COL5A1: variants seen among roughly 807,000 people sequenced by gnomAD.
COL5A1 encodes the protein collagen alpha-1(V) chain.
A neutral mutation model predicts 263.7 loss-of-function variants in COL5A1; 16 were observed. That is an observed-to-expected ratio of 0.06 (90% confidence interval 0.04 to 0.09). The LOEUF is 0.09. COL5A1 is among the 10% of genes least tolerant of loss of function. The pLI, the probability that COL5A1 is intolerant of heterozygous loss-of-function variation, is 1.00. For synonymous variants in COL5A1, 1,012 were observed against 1,004.5 expected, an observed-to-expected ratio of 1.01 and a Z score of -0.14; for missense variants, 2,036 against 2,540.5, an observed-to-expected ratio of 0.80 and a Z score of 4.27.
chr9:134,770,915 TC>T (rs1836845314), intron 25 of COL5A1, among the ~76,000 whole-genome samples: 2 of 152,294 alleles, frequency 1.3e-5, no homozygotes, highest in South Asian at 2.1e-4. Flanking sequence ...GCTTTGTGCT[TC>T]CCCCCACTGC....
intron 13 of COL5A1, among the ~76,000 whole-genome samples, chr9:134,752,269 A>G (rs1331145610): frequency 1.3e-5 from 2 of 150,462 alleles, no homozygotes; most frequent in African/African-American, 5.0e-5. Context: ...GCCAAGGGTG[A>G]TGGGCTGGGA....
intron 2 of COL5A1, among the ~76,000 whole-genome samples, chr9:134,695,794 G>A (rs752333132): frequency 1.8e-4 from 27 of 152,220 alleles, no homozygotes; most frequent in Non-Finnish European, 3.1e-4. Context: ...GACAAATGCA[G>A]TAAGTTTGGG....
rs1176210559 is a variant in COL5A1, at chr9:134,677,546, G to A, written c.110-13366G>A. On this transcript the variant is annotated intron_variant, in intron 1 of 65. Coordinates refer to ENST00000371817, the MANE Select transcript of COL5A1 (RefSeq NM_000093.5). This position sits in a 1 kb window ranked among gnomAD's most constrained non-coding sequence, Gnocchi z 4.4. ...GCCCCTGATGCTGAAATGATAGGAG[G>A]GTGAGGTTTATCAGCGGGATCTTCG... 6.6e-6 allele frequency among the ~76,000 whole-genome samples: 1 copy of A among 152,130 alleles called. No homozygotes were observed. The highest frequency in any genetic ancestry group is 1.9e-4 in the East Asian group (1 of 5,194).
intron 19 of COL5A1, among the ~76,000 whole-genome samples, chr9:134,762,929 G>A (rs535976114): frequency 1.3e-5 from 2 of 152,192 alleles, no homozygotes; most frequent in African/African-American, 4.8e-5. Context: ...GTATGTGCAG[G>A]GAGTGCACGT....
intron 2 of COL5A1, among the ~76,000 whole-genome samples, chr9:134,699,356 C>G (rs1173569606): frequency 6.6e-6 from 1 of 152,144 alleles, no homozygotes; most frequent in Non-Finnish European, 1.5e-5. Context: ...TCCACTTTTT[C>G]TCTGTTTTGC....
chr9:134,830,489 AC>A, intron 64 of COL5A1: 1 of 488,170 alleles, frequency 2.0e-6, no homozygotes, highest in Non-Finnish European at 3.7e-6. Context: ...GCACCTGAGC[AC>A]TGAGGTCAGA....
At position 134,818,577 on chromosome 9, in the gene COL5A1, G is replaced by T; in HGVS notation, c.4231-79G>T. On this transcript the variant is annotated intron_variant, in intron 54 of 65. Transcript: ENST00000371817. The surrounding 1 kb of genome is among the most constrained non-coding windows in gnomAD (Gnocchi z 6.0). ...TGGGACTCCTCCAGAGGTGCCCAGG[G>T]TTTCCGAGCAGTGGTCCTGGGCCAG... 9.3e-7 allele frequency: 1 copy of T among 1,074,444 alleles called. No homozygotes were observed. Among genetic ancestry groups the T allele is most frequent in the Non-Finnish European group, 1.4e-6 (1 of 713,222 alleles). The allele number at this position is 1,074,444 out of a possible 1,614,324, so 66.6% of individuals were successfully genotyped here.
chr9:134,669,023 T>C (rs1329195068), intron 1 of COL5A1, among the ~76,000 whole-genome samples: 2 of 120,896 alleles, frequency 1.7e-5, no homozygotes, highest in Admixed American at 9.0e-5. Flanking sequence ...ATCCATCCCA[T>C]TTATCCATTT....
chr9:134,646,321 G>C (rs1831473624), intron 1 of COL5A1, among the ~76,000 whole-genome samples: 1 of 151,896 alleles, frequency 6.6e-6, no homozygotes, highest in Admixed American at 6.6e-5. Context: ...GCACTGGGGA[G>C]AGCTGGGGAG....
chr9:134,769,706 G>C (rs1836805248), intron 25 of COL5A1, among the ~76,000 whole-genome samples: 1 of 152,120 alleles, frequency 6.6e-6, no homozygotes, highest in Non-Finnish European at 1.5e-5. Flanking sequence ...AGGGGACCTG[G>C]GTGTGAAGCA....
chr9:134,774,723 C>T lies in COL5A1; in HGVS notation c.2332-136C>T, dbSNP rs1381846022. The stretch of plus-strand genomic sequence containing the variant: ...CCTGTGCGAGTCTCCCACGGGGGGC[C>T]TCTCTGGAGGCTCTGAGCTGGGATG... On this transcript the variant is annotated intron_variant, in intron 26 of 65. Coordinates refer to ENST00000371817, the MANE Select transcript of COL5A1 (RefSeq NM_000093.5). The T allele has an allele frequency of 1.6e-5, 14 of 879,094 alleles. No individual in the cohort carries two copies. The African/African-American group carries it at 1.7e-4, about 10-fold the overall frequency. The allele number at this position is 879,094 out of a possible 1,614,324, so 54.5% of individuals were successfully genotyped here.
chr9:134,829,119 ATCATTCAT>A (rs55712373), intron 63 of COL5A1, among the ~76,000 whole-genome samples: 3 of 151,804 alleles, frequency 2.0e-5, no homozygotes, highest in East Asian at 3.9e-4. Flanking sequence ...CCCTTGGTCC[ATCATTCAT>A]TCATTCATTC....
rs1056914891 is a variant in COL5A1 at position 134,794,090 on chromosome 9, G to A, written c.2701-992G>A. On this transcript the variant is annotated intron_variant, in intron 32 of 65. Transcript: ENST00000371817. The surrounding 1 kb of genome is among the most constrained non-coding windows in gnomAD (Gnocchi z 4.3). The stretch of plus-strand genomic sequence containing the variant: ...CGCTTGTAATCCCAGCACTTTGGGA[G>A]GCTGAGGCGGGTGAATCACGAGGTC... 6.6e-6 allele frequency among the ~76,000 whole-genome samples: 1 copy of A among 152,210 alleles called. No homozygotes were observed. The highest frequency in any genetic ancestry group is 1.5e-5 in the Non-Finnish European group (1 of 68,048).
In COL5A1 at chr9:134,759,718, C is replaced by A. The variant is rs1208050083; in HGVS notation, c.1935+1422C>A. Reference sequence around the variant, plus strand: ...CATATGCACACATGCACACACCCCCCCACCCCCACACTCATACACACACAC... The same window carrying A: ...CATATGCACACATGCACACACCCCCACACCCCCACACTCATACACACACAC... On this transcript the variant is annotated intron_variant, in intron 18 of 65. Transcript: ENST00000371817. Among the ~76,000 whole-genome samples the A allele has an allele frequency of 1.8e-3, 141 of 78,996 alleles. 1 individual carries two copies. Among genetic ancestry groups the A allele is most frequent in the African/African-American group, 4.9e-3 (71 of 14,380 alleles). The allele number at this position is 78,996 out of a possible 152,430, so 51.8% of individuals were successfully genotyped here. A position where few individuals can be genotyped will look rare whatever the true frequency, so the allele number is the denominator to read the frequency against.
intron 64 of COL5A1, among the ~76,000 whole-genome samples, chr9:134,830,536 T>C (rs1230194046): frequency 6.6e-6 from 1 of 152,180 alleles, no homozygotes; most frequent in Admixed American, 6.5e-5. Context: ...CTGTGTCTGA[T>C]GGCAGGGCAG....
At chr9:134,809,522 C>T (rs564712301) in intron 43 of COL5A1, among the ~76,000 whole-genome samples, 20 of 152,302 alleles carry the variant, frequency 1.3e-4, no homozygotes, top group African/African-American at 4.6e-4. Context: ...ACCACACCCT[C>T]CTGTGTCATT....
chr9:134,710,469 G>A (rs1396547544), intron 4 of COL5A1, among the ~76,000 whole-genome samples: 2 of 151,658 alleles, frequency 1.3e-5, no homozygotes, highest in Non-Finnish European at 2.9e-5. Context: ...TGGTGGGGGA[G>A]GGGCCCCGTT....
chr9:134,819,767 G>A lies in COL5A1; in HGVS notation c.4447-349G>A, dbSNP rs149799871. Among the ~76,000 whole-genome samples the A allele has an allele frequency of 5.3e-3, 812 of 152,320 alleles. 3 individuals are homozygous for A. Among genetic ancestry groups the A allele is most frequent in the Middle Eastern group, 0.02 (6 of 294 alleles). ...AGTCCACAAACTTTGTTTTAGTTCCGTATAGGAGCAGGCGTTCGGATTTGC... is the reference window on the plus strand; with the variant it reads ...AGTCCACAAACTTTGTTTTAGTTCCATATAGGAGCAGGCGTTCGGATTTGC... On this transcript the variant is annotated intron_variant, in intron 57 of 65. Coordinates refer to ENST00000371817, the MANE Select transcript of COL5A1 (RefSeq NM_000093.5).
intron 1 of COL5A1, among the ~76,000 whole-genome samples, chr9:134,673,391 A>G (rs2132517196): frequency 6.6e-6 from 1 of 151,962 alleles, no homozygotes; most frequent in East Asian, 1.9e-4. Context: ...TAAAAGTGCT[A>G]AGATGCTGCA....
Sources: allele counts gnomAD v4.1 joint callset (sites outside exome capture counted in the v4.1 genomes callset), GRCh38; gene constraint gnomAD v4.1.1; non-coding constraint Gnocchi (gnomAD v3.1); transcripts MANE v1.5; gene names NCBI Gene and HGNC (gene_info 2026-07-23, HGNC 2026-07-21).